The following NR2F1-AS1 variants were observed in gnomAD, a reference collection of about 807,000 sequenced individuals.
NR2F1-AS1 encodes NR2F1 antisense RNA 1.
chr5:93,559,654 G>A (rs1020959559), intron 2 of NR2F1-AS1, among the ~76,000 whole-genome samples: 18 of 152,114 alleles, frequency 1.2e-4, no homozygotes, highest in African/African-American at 3.6e-4. Context: ...CCATTTTAGC[G>A]TTATTAACTG....
At chr5:93,546,407 AT>A (rs1388960699) in intron 4 of NR2F1-AS1, among the ~76,000 whole-genome samples, 1 of 152,206 alleles carries the variant, frequency 6.6e-6, no homozygotes, top group East Asian at 1.9e-4. Context: ...AAGGTTGACT[AT>A]TTTATACATT....
chr5:93,516,681 G>A (rs768067852), intron 4 of NR2F1-AS1, among the ~76,000 whole-genome samples: 6 of 151,796 alleles, frequency 4.0e-5, no homozygotes, highest in South Asian at 2.1e-4. Flanking sequence ...ATCCAAGACC[G>A]TAACCCAGAT....
intron 4 of NR2F1-AS1, among the ~76,000 whole-genome samples, chr5:93,527,517 A>T (rs1337011509): frequency 6.6e-6 from 1 of 152,192 alleles, no homozygotes; most frequent in African/African-American, 2.4e-5. Flanking sequence ...ATATGGAACC[A>T]AAAAAGAGCC....
At chr5:93,569,392 G>A (rs1269102706) in intron 1 of NR2F1-AS1, among the ~76,000 whole-genome samples, 1 of 152,156 alleles carries the variant, frequency 6.6e-6, no homozygotes, top group Admixed American at 6.5e-5. Flanking sequence ...GGGACTATTA[G>A]AAAGCTTTTT....
chr5:93,493,517 T>G (rs1432480401), intron 4 of NR2F1-AS1, among the ~76,000 whole-genome samples: 1 of 152,100 alleles, frequency 6.6e-6, no homozygotes, highest in Non-Finnish European at 1.5e-5. Flanking sequence ...CATATGGAAC[T>G]GTACAGAACC....
At chr5:93,561,045 G>A (rs1343583058) in intron 2 of NR2F1-AS1, among the ~76,000 whole-genome samples, 4 of 152,112 alleles carry the variant, frequency 2.6e-5, no homozygotes, top group Non-Finnish European at 4.4e-5. Context: ...ATACCGAGGC[G>A]GGCAGATCAC....
chr5:93,481,656 G>A (rs549298258), intron 4 of NR2F1-AS1, among the ~76,000 whole-genome samples: 2 of 152,052 alleles, frequency 1.3e-5, no homozygotes, highest in South Asian at 4.2e-4. Flanking sequence ...CATAATTTAG[G>A]CCATAACACA....
intron 4 of NR2F1-AS1, among the ~76,000 whole-genome samples, chr5:93,504,897 T>G (rs935273411): frequency 1.3e-5 from 2 of 152,136 alleles, no homozygotes; most frequent in Non-Finnish European, 1.5e-5. Flanking sequence ...CCAAATCTCA[T>G]GTTCTTACAT....
At chr5:93,414,533 T>C (rs558899863) in intron 4 of NR2F1-AS1, among the ~76,000 whole-genome samples, 60 of 152,282 alleles carry the variant, frequency 3.9e-4, no homozygotes, top group Admixed American at 2.8e-3. Context: ...TGGCCAGCAG[T>C]CTCCGATCTG....
chr5:93,492,754 T>C (rs1336067466), intron 4 of NR2F1-AS1, among the ~76,000 whole-genome samples: 1 of 151,936 alleles, frequency 6.6e-6, no homozygotes, highest in Non-Finnish European at 1.5e-5. Flanking sequence ...ATTAATATAA[T>C]GCACCACATT....
At chr5:93,424,624 C>T (rs1164588375) in intron 4 of NR2F1-AS1, among the ~76,000 whole-genome samples, 2 of 152,166 alleles carry the variant, frequency 1.3e-5, no homozygotes, top group Non-Finnish European at 2.9e-5. Context: ...TCAGACTATT[C>T]TCCACATGCT....
At chr5:93,480,000 A>G (rs75591279) in intron 4 of NR2F1-AS1, among the ~76,000 whole-genome samples, 4,315 of 152,262 alleles carry the variant, frequency 0.028, 82 homozygotes, top group Non-Finnish European at 0.04. Context: ...AGACAAAAAA[A>G]ATTAATGAAG....
intron 1 of NR2F1-AS1, among the ~76,000 whole-genome samples, chr5:93,568,409 C>T (rs1056387787): frequency 1.3e-5 from 2 of 152,170 alleles, no homozygotes; most frequent in African/African-American, 2.4e-5. Flanking sequence ...TAGAGTAATG[C>T]ATTCTAAGTA....
At chr5:93,578,158 G>T (rs1300490666) in intron 1 of NR2F1-AS1, among the ~76,000 whole-genome samples, 2 of 152,158 alleles carry the variant, frequency 1.3e-5, no homozygotes, top group Non-Finnish European at 2.9e-5. Flanking sequence ...GCTTAGATCC[G>T]GATTCTGGGG....
intron 1 of NR2F1-AS1, among the ~76,000 whole-genome samples, chr5:93,577,938 G>T (rs973383670): frequency 1.3e-5 from 2 of 152,164 alleles, no homozygotes; most frequent in South Asian, 2.1e-4. Context: ...CTGATCATTT[G>T]TAGGGTCCCA....
At chr5:93,577,339 A>G (rs1366804495) in intron 1 of NR2F1-AS1, among the ~76,000 whole-genome samples, 2 of 152,276 alleles carry the variant, frequency 1.3e-5, no homozygotes, top group African/African-American at 4.8e-5. Flanking sequence ...CTGGGCTACC[A>G]GAGCGATAGT....
At chr5:93,504,765 C>T (rs542130644) in intron 4 of NR2F1-AS1, among the ~76,000 whole-genome samples, 1 of 152,098 alleles carries the variant, frequency 6.6e-6, no homozygotes, top group African/African-American at 2.4e-5. Context: ...AGATCAGCCC[C>T]CATGATTCAA....
At chr5:93,436,379 A>C (rs1749431303) in intron 4 of NR2F1-AS1, among the ~76,000 whole-genome samples, 1 of 152,190 alleles carries the variant, frequency 6.6e-6, no homozygotes, top group Non-Finnish European at 1.5e-5. Context: ...TTAGAATTAA[A>C]GGTATCCCCA....
rs186664017 is a variant in NR2F1-AS1 at position 93,464,145 on chromosome 5, G to C, written n.639-68603C>G. ...ACATATCATGGGAGGAACCTGGTAG[G>C]GGGTGATTGAATTATGGTGGCAGGT... On this transcript the variant is annotated intron_variant and non_coding_transcript_variant, in intron 4 of 5. Coordinates refer to ENST00000660523, the Ensembl canonical transcript of NR2F1-AS1. Among the ~76,000 whole-genome samples, 966 of 152,236 alleles carry C rather than the reference G, an allele frequency of 6.3e-3. 2 individuals are homozygous for C. Among genetic ancestry groups the C allele is most frequent in the Non-Finnish European group, 0.011 (772 of 68,028 alleles).
Sources: allele counts gnomAD v4.1 joint callset (sites outside exome capture counted in the v4.1 genomes callset), GRCh38; gene constraint gnomAD v4.1.1; transcripts MANE v1.5; gene names NCBI Gene and HGNC (gene_info 2026-07-23, HGNC 2026-07-21).